The following MYO1H variants were observed in gnomAD, a reference collection of about 807,000 sequenced individuals.
The protein encoded by MYO1H is unconventional myosin-Ih.
A neutral mutation model predicts 149.3 loss-of-function variants in MYO1H; 118 were observed. That is an observed-to-expected ratio of 0.79 (90% CI 0.68 to 0.92). MYO1H has a LOEUF of 0.92. MYO1H is among the 40% of genes least tolerant of loss of function. MYO1H has a pLI of 0.00. For synonymous variants in MYO1H, 447 were observed against 465.2 expected (o/e 0.96, Z 0.50); for missense variants, 1,212 against 1,280.7 (o/e 0.95, Z 0.82).
intron 19 of MYO1H, among the ~76,000 whole-genome samples, chr12:109,432,485 C>T (rs1055972335): frequency 6.6e-6 from 1 of 152,300 alleles, no homozygotes; most frequent in South Asian, 2.1e-4. Context: ...AGTTTTCTGT[C>T]GATGGACATC....
the MYO1H span, among the ~76,000 whole-genome samples, chr12:109,320,623 CAAAAA>C: frequency 0.013 from 1,232 of 92,800 alleles, 21 homozygotes; most frequent in African/African-American, 0.042. Flanking sequence ...GAATCTGTCT[CAAAAA>C]AAAAAAAAAA....
intron 25 of MYO1H, among the ~76,000 whole-genome samples, chr12:109,441,048 C>T (rs556184353): frequency 6.6e-6 from 1 of 152,248 alleles, no homozygotes; most frequent in Non-Finnish European, 1.5e-5. Flanking sequence ...CATGGGAACA[C>T]AATCACAACG....
intron 14 of MYO1H, among the ~76,000 whole-genome samples, chr12:109,413,216 C>G (rs1319457900): frequency 6.6e-6 from 1 of 152,150 alleles, no homozygotes; most frequent in Non-Finnish European, 1.5e-5. Flanking sequence ...CTCAAGTGAT[C>G]TGCCCACCTC....
chr12:109,352,495 G>A (rs910041129), intron 1 of MYO1H, among the ~76,000 whole-genome samples: 43 of 152,116 alleles, frequency 2.8e-4, no homozygotes, highest in Admixed American at 1.6e-3. Flanking sequence ...TTTATTCTAC[G>A]AAACTAGAAT....
chr12:109,362,611 A>G (rs193130597), intron 1 of MYO1H, among the ~76,000 whole-genome samples: 1 of 152,338 alleles, frequency 6.6e-6, no homozygotes, highest in East Asian at 1.9e-4. Context: ...GTAGGATTGG[A>G]CAAAAGAGGA....
At chr12:109,349,914 T>C (rs1200800481) in intron 1 of MYO1H, among the ~76,000 whole-genome samples, 1 of 146,764 alleles carries the variant, frequency 6.8e-6, no homozygotes. Context: ...TGAGCGGAGA[T>C]CACGCCACTG....
intron 1 of MYO1H, among the ~76,000 whole-genome samples, chr12:109,380,102 C>T (rs531280586): frequency 4.6e-5 from 7 of 151,272 alleles, no homozygotes; most frequent in Non-Finnish European, 1.0e-4. Flanking sequence ...GCTTTGTTGC[C>T]CACGCTGGTT....
chr12:109,367,713 G>A (rs181367832), intron 1 of MYO1H, among the ~76,000 whole-genome samples: 389 of 151,498 alleles, frequency 2.6e-3, no homozygotes, highest in Non-Finnish European at 4.3e-3. Flanking sequence ...CACCACACCC[G>A]GCTAATTTTT....
chr12:109,363,082 T>G (rs1013034055), intron 1 of MYO1H, among the ~76,000 whole-genome samples: 2 of 152,238 alleles, frequency 1.3e-5, no homozygotes, highest in East Asian at 3.9e-4. Context: ...AATTAGGCAC[T>G]TCCTTCCTCA....
chr12:109,423,470 A>G (rs1222224098), intron 16 of MYO1H, among the ~76,000 whole-genome samples: 1 of 152,206 alleles, frequency 6.6e-6, no homozygotes, highest in African/African-American at 2.4e-5. Flanking sequence ...CCACATTTTA[A>G]TCATTTTAAA....
intron 1 of MYO1H, among the ~76,000 whole-genome samples, chr12:109,354,932 G>C (rs1036465340): frequency 3.9e-5 from 6 of 152,222 alleles, no homozygotes; most frequent in Admixed American, 2.0e-4. Context: ...GAAGAGAAGA[G>C]AACAGGGGGC....
intron 12 of MYO1H, among the ~76,000 whole-genome samples, chr12:109,410,327 A>T (rs1391807712): frequency 2.6e-5 from 4 of 152,034 alleles, no homozygotes; most frequent in Admixed American, 6.6e-5. Context: ...CTTTTTGTAG[A>T]GACAGGGTCT....
chr12:109,431,072 C>A (rs1296129109), intron 19 of MYO1H, among the ~76,000 whole-genome samples: 1 of 127,254 alleles, frequency 7.9e-6, no homozygotes, highest in Non-Finnish European at 1.7e-5. Context: ...AAAAAAAAAT[C>A]TGATTTTAAA....
In MYO1H at chr12:109,362,841, A is replaced by G. The variant is rs376927213; in HGVS notation, c.12+14869A>G. On this transcript the variant is annotated intron_variant, in intron 1 of 31. Transcript: ENST00000310903. ...GCTTTGGCTCCTCTTTCAAGTGCCA[A>G]TGTGCCGTATTTTGCCATAGCATAT... 9.2e-5 allele frequency among the ~76,000 whole-genome samples: 14 copies of G among 152,330 alleles called. No homozygotes were observed. In the East Asian group the frequency reaches 1.7e-3, roughly 19 times the overall value.
intron 14 of MYO1H, 79 bp downstream of exon 14, chr12:109,412,064 C>A: frequency 1.0e-6 from 1 of 976,722 alleles, no homozygotes; most frequent in Non-Finnish European, 1.5e-6. Flanking sequence ...GGATAATGTT[C>A]TTCAAGAGAA....
chr12:109,443,384 AC>A, intron 27 of MYO1H, 129 bp from the exon 28 acceptor site: 1 of 868,208 alleles, frequency 1.2e-6, no homozygotes, highest in Non-Finnish European at 1.8e-6. Context: ...ACACACACAC[AC>A]ACACACACAT....
intron 1 of MYO1H, among the ~76,000 whole-genome samples, chr12:109,351,721 T>A (rs913254615): frequency 2.6e-5 from 4 of 152,216 alleles, no homozygotes; most frequent in African/African-American, 7.2e-5. Flanking sequence ...CAATCACATT[T>A]ATGTCCCTGT....
intron 10 of MYO1H, among the ~76,000 whole-genome samples, chr12:109,408,410 A>G (rs967900418): frequency 6.6e-6 from 1 of 152,174 alleles, no homozygotes; most frequent in Non-Finnish European, 1.5e-5. Context: ...CCCAGGCCCA[A>G]GCCATCTTCC....
chr12:109,396,295 G>A, intron 3 of MYO1H, 89 bp from the exon 4 acceptor site: 1 of 1,082,530 alleles, frequency 9.2e-7, no homozygotes, highest in East Asian at 2.5e-5. Flanking sequence ...TCCTGGAGAT[G>A]GAGCACCTCA....
Sources: allele counts gnomAD v4.1 joint callset (sites outside exome capture counted in the v4.1 genomes callset), GRCh38; gene constraint gnomAD v4.1.1; transcripts MANE v1.5; gene names NCBI Gene and HGNC (gene_info 2026-07-23, HGNC 2026-07-21).